The following KAZN variants were observed in gnomAD, a reference collection of about 807,000 sequenced individuals.
The protein encoded by KAZN is kazrin.
A neutral mutation model predicts 87.4 loss-of-function variants in KAZN; 40 were observed. The observed-to-expected ratio is 0.46, with a 90% CI of 0.36 to 0.60. The LOEUF is 0.60. Among genes scored for constraint, KAZN ranks in the 20% least tolerant of loss-of-function variants. KAZN has a pLI of 0.00. For missense variants in KAZN, 898 were observed against 1,073.9 expected (o/e 0.84, Z 2.29); for synonymous variants, 466 against 458.3 (o/e 1.02, Z -0.22).
rs516680 is a variant in KAZN at position 15,099,720 on chromosome 1, T to C, written c.1548-1823T>C. On this transcript the variant is annotated intron_variant, in intron 10 of 14. Coordinates refer to ENST00000376030, the MANE Select transcript of KAZN (RefSeq NM_201628.3). This position sits in a 1 kb window ranked among gnomAD's most constrained non-coding sequence, Gnocchi z 5.4. The stretch of plus-strand genomic sequence containing the variant: ...AGCCACAGAGTGTTGAGCAGGGGAG[T>C]GCACGGTCACACTGACATTTTAAAA... 0.14 allele frequency among the ~76,000 whole-genome samples: 21,372 copies of C among 151,954 alleles called. 4,990 individuals are homozygous for C. The highest frequency in any genetic ancestry group is 0.48 in the African/African-American group (20,028 of 41,400).
chr1:14,211,289 C>T (rs527545494), intron 2 of KAZN, among the ~76,000 whole-genome samples: 8 of 152,262 alleles, frequency 5.3e-5, no homozygotes, highest in African/African-American at 1.7e-4. Flanking sequence ...GGCACAATCT[C>T]GACTCACTGC....
chr1:14,037,082 T>A lies in KAZN; in HGVS notation c.91+143326T>A, dbSNP rs138799503. ...CATGAGCCACTGCACCCAGCTGGAGTCTATTTATATACACACATTTTCTGA... is the reference window on the plus strand; with the variant it reads ...CATGAGCCACTGCACCCAGCTGGAGACTATTTATATACACACATTTTCTGA... On this transcript the variant is annotated intron_variant, in intron 1 of 16. Coordinates refer to the KAZN transcript ENST00000636203. Among the ~76,000 whole-genome samples, 695 of 152,126 alleles carry A rather than the reference T, an allele frequency of 4.6e-3. 4 individuals carry two copies. Among genetic ancestry groups the A allele is most frequent in the African/African-American group, 0.016 (662 of 41,462 alleles).
chr1:14,248,957 C>T (rs1473620270), intron 2 of KAZN, among the ~76,000 whole-genome samples: 3 of 152,196 alleles, frequency 2.0e-5, no homozygotes, highest in South Asian at 4.1e-4. Context: ...CATGGAAAGG[C>T]CATGCGTAGG....
intron 2 of KAZN, among the ~76,000 whole-genome samples, chr1:14,197,538 A>C (rs1646553227): frequency 6.6e-6 from 1 of 152,042 alleles, no homozygotes; most frequent in Non-Finnish European, 1.5e-5. Context: ...AAATACAAAA[A>C]TTAGCCAGGC....
chr1:15,008,516 G>A (rs1248907564), intron 2 of KAZN, among the ~76,000 whole-genome samples: 1 of 152,230 alleles, frequency 6.6e-6, no homozygotes, highest in Admixed American at 6.5e-5. Flanking sequence ...TGCCCTGCCG[G>A]GTTTCCAGAG....
At chr1:14,631,937 T>C (rs1679602453) in intron 1 of KAZN, among the ~76,000 whole-genome samples, 1 of 152,220 alleles carries the variant, frequency 6.6e-6, no homozygotes, top group African/African-American at 2.4e-5. Context: ...CCCCCCAGCT[T>C]TGAATAAATG....
rs1263951761 is a variant in KAZN, at chr1:14,184,046, G to A, written c.249+3454G>A. On this transcript the variant is annotated intron_variant, in intron 2 of 16. Coordinates refer to the KAZN transcript ENST00000636203. The surrounding 1 kb of genome is among the most constrained non-coding windows in gnomAD (Gnocchi z 4.2). Reference sequence around the variant, plus strand: ...TACCCTTCCCAGAGGTCCATCTCTAGGGATGAAAGTAAACCCTTCAAAATA... The same window carrying A: ...TACCCTTCCCAGAGGTCCATCTCTAAGGATGAAAGTAAACCCTTCAAAATA... Among the ~76,000 whole-genome samples, 1 of 152,184 alleles carries A rather than the reference G, an allele frequency of 6.6e-6. No individual in the cohort carries two copies. The highest frequency in any genetic ancestry group is 1.5e-5 in the Non-Finnish European group (1 of 68,026).
chr1:14,406,368 G>A (rs778641731), intron 2 of KAZN, among the ~76,000 whole-genome samples: 4 of 152,136 alleles, frequency 2.6e-5, no homozygotes, highest in Non-Finnish European at 4.4e-5. Flanking sequence ...CATAAAAAAA[G>A]AATGAGTTAA....
intron 1 of KAZN, among the ~76,000 whole-genome samples, chr1:14,608,278 G>A (rs1677528155): frequency 6.6e-6 from 1 of 152,042 alleles, no homozygotes; most frequent in African/African-American, 2.4e-5. Context: ...TGAGAGATTG[G>A]GCACATAGGC....
rs184523880 is a variant in KAZN, at chr1:13,950,051, C to T, written c.91+56295C>T. The stretch of plus-strand genomic sequence containing the variant: ...CCGCCCCTGCCTTGCTCTGCAGCCC[C>T]CTCTTCCAACACATCCCCACACCCC... On this transcript the variant is annotated intron_variant, in intron 1 of 16. Transcript: ENST00000636203. Among the ~76,000 whole-genome samples, 110 of 152,332 alleles carry T rather than the reference C, an allele frequency of 7.2e-4. 1 individual carries two copies. Among genetic ancestry groups the T allele is most frequent in the Middle Eastern group, 3.4e-3 (1 of 294 alleles).
At chr1:14,240,516 G>A (rs1648842925) in intron 2 of KAZN, among the ~76,000 whole-genome samples, 1 of 152,200 alleles carries the variant, frequency 6.6e-6, no homozygotes, top group Non-Finnish European at 1.5e-5. Flanking sequence ...CCCAGGAAGG[G>A]GGATGATGAC....
chr1:14,537,594 T>C (rs1000285496), intron 2 of KAZN, among the ~76,000 whole-genome samples: 1 of 152,156 alleles, frequency 6.6e-6, no homozygotes, highest in Non-Finnish European at 1.5e-5. Flanking sequence ...CATTTGAATT[T>C]CCAAGCCTCA....
At chr1:14,447,942 A>T (rs1667074972) in intron 2 of KAZN, among the ~76,000 whole-genome samples, 1 of 152,248 alleles carries the variant, frequency 6.6e-6, no homozygotes, top group African/African-American at 2.4e-5. Context: ...TTATAACCTA[A>T]AACCTGGAAC....
At chr1:14,845,559 G>GTGGATGGATGGATGGA (rs112956559) in intron 1 of KAZN, among the ~76,000 whole-genome samples, 105 of 145,566 alleles carry the variant, frequency 7.2e-4, no homozygotes, top group Middle Eastern at 3.7e-3. Flanking sequence ...AGATGGGTGG[G>GTGGATGGATGGATGGA]TGGATGGATG....
intron 1 of KAZN, among the ~76,000 whole-genome samples, chr1:14,932,049 C>G (rs2101581953): frequency 6.6e-6 from 1 of 152,318 alleles, no homozygotes; most frequent in South Asian, 2.1e-4. Flanking sequence ...GGATACCCTG[C>G]TCCCGGCTCC....
intron 1 of KAZN, among the ~76,000 whole-genome samples, chr1:14,699,905 G>A (rs111284630): frequency 2.1e-4 from 32 of 152,266 alleles, no homozygotes; most frequent in African/African-American, 7.0e-4. Flanking sequence ...GGCATAATGA[G>A]TTGGCCCGAC....
chr1:13,936,749 T>C (rs560624334), intron 1 of KAZN, among the ~76,000 whole-genome samples: 11 of 152,338 alleles, frequency 7.2e-5, no homozygotes, highest in African/African-American at 2.4e-4. Context: ...TGTATGTATA[T>C]GTGTACAGAC....
At chr1:14,498,288 C>T (rs1670057860) in intron 2 of KAZN, among the ~76,000 whole-genome samples, 1 of 152,256 alleles carries the variant, frequency 6.6e-6, no homozygotes, top group African/African-American at 2.4e-5. Flanking sequence ...GTCGTGTCCA[C>T]TCACCACTGC....
chr1:14,137,496 A>C (rs1159287094), intron 1 of KAZN, among the ~76,000 whole-genome samples: 1 of 152,116 alleles, frequency 6.6e-6, no homozygotes, highest in Non-Finnish European at 1.5e-5. Context: ...CACACTGCTT[A>C]GGCTCAAGTT....
Sources: allele counts gnomAD v4.1 joint callset (sites outside exome capture counted in the v4.1 genomes callset), GRCh38; gene constraint gnomAD v4.1.1; non-coding constraint Gnocchi (gnomAD v3.1); transcripts MANE v1.5; gene names NCBI Gene and HGNC (gene_info 2026-07-23, HGNC 2026-07-21).